TMCC1: variants seen among roughly 807,000 people sequenced by gnomAD.
The protein encoded by TMCC1 is transmembrane and coiled-coil domain family 1, also known as transmembrane and coiled-coil domains protein 1.
In TMCC1, 15 loss-of-function variants were observed where a neutral mutation model predicts 52.4. The ratio of observed to expected loss-of-function variants is 0.29; its 90% CI spans 0.19 to 0.44. The LOEUF is 0.44. TMCC1 is among the 20% of genes least tolerant of loss of function. The pLI is 1.00. For missense variants in TMCC1, 503 were observed against 806.0 expected, an observed-to-expected ratio of 0.62 and a Z score of 4.55; for synonymous variants, 279 against 301.9, an observed-to-expected ratio of 0.92 and a Z score of 0.79.
chr3:129,729,645 C>A (rs1042449759), intron 4 of TMCC1, among the ~76,000 whole-genome samples: 45 of 152,078 alleles, frequency 3.0e-4, no homozygotes, highest in African/African-American at 1.1e-3. Flanking sequence ...GTCAACACAG[C>A]AAGAATCCCA....
intron 4 of TMCC1, among the ~76,000 whole-genome samples, chr3:129,804,065 A>G (rs2057332852): frequency 6.6e-6 from 1 of 152,178 alleles, no homozygotes; most frequent in Non-Finnish European, 1.5e-5. Context: ...TCTCTTATAG[A>G]CTACAAAAAC....
chr3:129,717,777 T>C (rs907262416), intron 4 of TMCC1, among the ~76,000 whole-genome samples: 2 of 152,202 alleles, frequency 1.3e-5, no homozygotes, highest in African/African-American at 4.8e-5. Flanking sequence ...GTCTGAACCA[T>C]GATCATATAT....
chr3:129,840,249 C>T (rs1355942428), intron 2 of TMCC1, among the ~76,000 whole-genome samples: 2 of 144,640 alleles, frequency 1.4e-5, no homozygotes, highest in African/African-American at 5.2e-5. Flanking sequence ...ATTGATTGAA[C>T]CCAGGAGGTC....
chr3:129,662,343 TAGGCTGTATGGTAC>T (rs1244448442), intron 5 of TMCC1, among the ~76,000 whole-genome samples: 2 of 152,148 alleles, frequency 1.3e-5, no homozygotes, highest in South Asian at 4.1e-4. Flanking sequence ...ATGATACACT[TAGGCTGTATGGTAC>T]AGTCAATTGT....
chr3:129,747,373 C>CAGGAGT (rs1225936542), intron 4 of TMCC1, among the ~76,000 whole-genome samples: 3 of 152,160 alleles, frequency 2.0e-5, no homozygotes, highest in African/African-American at 4.8e-5. Context: ...GGCAACACTT[C>CAGGAGT]AGGAGTATAT....
intron 4 of TMCC1, among the ~76,000 whole-genome samples, chr3:129,758,727 T>C (rs1336309881): frequency 1.3e-5 from 2 of 152,224 alleles, no homozygotes; most frequent in Admixed American, 1.3e-4. Context: ...TCTAAGTATA[T>C]AGTTCAGTAG....
chr3:129,702,265 A>AG (rs1214522745), intron 4 of TMCC1, among the ~76,000 whole-genome samples: 1 of 147,782 alleles, frequency 6.8e-6, no homozygotes, highest in Admixed American at 6.7e-5. Flanking sequence ...TTTTTTTTTT[A>AG]AGAGAAAATA....
chr3:129,749,420 C>A (rs1417206288), intron 4 of TMCC1, among the ~76,000 whole-genome samples: 3 of 151,486 alleles, frequency 2.0e-5, no homozygotes, highest in Non-Finnish European at 4.4e-5. Context: ...ACAGAGGAAA[C>A]AAAATGGAAA....
intron 2 of TMCC1, among the ~76,000 whole-genome samples, chr3:129,848,852 T>C (rs571403390): frequency 6.6e-6 from 1 of 151,976 alleles, no homozygotes; most frequent in Non-Finnish European, 1.5e-5. Context: ...ATTCCTCTTA[T>C]GACCTGACTT....
chr3:129,662,298 A>G (rs1333240980), intron 5 of TMCC1, among the ~76,000 whole-genome samples: 1 of 152,198 alleles, frequency 6.6e-6, no homozygotes, highest in Non-Finnish European at 1.5e-5. Context: ...TGAACACCAT[A>G]CAGTGTACTT....
intron 5 of TMCC1, among the ~76,000 whole-genome samples, chr3:129,656,915 A>G (rs1336811178): frequency 6.6e-6 from 1 of 152,318 alleles, no homozygotes; most frequent in Non-Finnish European, 1.5e-5. Flanking sequence ...ATTTAAGTTC[A>G]CAAAATGCCA....
At chr3:129,680,899 C>CAA (rs201733649) in intron 4 of TMCC1, among the ~76,000 whole-genome samples, 155 of 100,920 alleles carry the variant, frequency 1.5e-3, no homozygotes, top group African/African-American at 5.3e-3. Flanking sequence ...GACTCTGTCT[C>CAA]AAAAAAAAAA....
intron 4 of TMCC1, among the ~76,000 whole-genome samples, chr3:129,793,517 C>T (rs1283799779): frequency 6.6e-6 from 1 of 152,188 alleles, no homozygotes; most frequent in African/African-American, 2.4e-5. Flanking sequence ...CCAACTGCTA[C>T]ATTTTTTAAA....
rs550045769 is a variant in TMCC1, at chr3:129,655,039, A to G, written c.1576T>C (p.Leu526=). The change falls in exon 6 of 7, where the codon TTG becomes CTG. Residue 526 remains leucine, a synonymous_variant. Coordinates refer to ENST00000393238, the MANE Select transcript of TMCC1 (RefSeq NM_001017395.5). ...TELHQNEILN[L]KQELASMEEK... ...TCCATGCTTGCCAGTTCCTGCTTCA[A>G]GTTCAAGATTTCATTCTGGTGGAGC... The G allele has an allele frequency of 3.7e-6, 6 of 1,614,144 alleles. No individual in the cohort carries two copies. The Admixed American group carries it at 1.0e-4, about 27-fold the overall frequency.
At chr3:129,873,373 G>GA (rs746434981) in intron 2 of TMCC1, among the ~76,000 whole-genome samples, 2,894 of 126,796 alleles carry the variant, frequency 0.023, 25 homozygotes, top group Non-Finnish European at 0.029. Flanking sequence ...CTATGCAGCT[G>GA]AAAAAAAAAA....
At chr3:129,820,301 G>A (rs1384498941) in intron 4 of TMCC1, among the ~76,000 whole-genome samples, 1 of 151,496 alleles carries the variant, frequency 6.6e-6, no homozygotes, top group East Asian at 1.9e-4. Context: ...CAGTACAGTT[G>A]TTTGTAGTGA....
intron 4 of TMCC1, among the ~76,000 whole-genome samples, chr3:129,780,952 T>C (rs1011420360): frequency 2.0e-5 from 3 of 152,222 alleles, no homozygotes; most frequent in East Asian, 3.9e-4. Flanking sequence ...AAAATTTAGT[T>C]CCTCTACCAC....
chr3:129,866,381 T>G (rs1344087579), intron 2 of TMCC1, among the ~76,000 whole-genome samples: 2 of 142,672 alleles, frequency 1.4e-5, no homozygotes, highest in Non-Finnish European at 3.1e-5. Context: ...TATATATGTT[T>G]TTTTTTTTTT....
At chr3:129,685,997 C>T (rs181801277) in intron 4 of TMCC1, among the ~76,000 whole-genome samples, 2 of 152,300 alleles carry the variant, frequency 1.3e-5, no homozygotes, top group African/African-American at 4.8e-5. Flanking sequence ...CATCATAATA[C>T]ACAACACTCT....
Sources: gnomAD v4.1 joint callset for allele counts (sites outside exome capture counted in the v4.1 genomes callset) on GRCh38, gnomAD v4.1.1 for gene constraint, MANE v1.5 for transcripts, NCBI Gene and HGNC (gene_info 2026-07-23, HGNC 2026-07-21) for gene names.